DCC: variants seen among roughly 807,000 people sequenced by gnomAD.
The protein encoded by DCC is DCC netrin 1 receptor, also known as netrin receptor DCC.
In DCC, 58 loss-of-function variants were observed where a neutral mutation model predicts 172.5. The observed-to-expected ratio is 0.34, with a 90% CI of 0.27 to 0.42. DCC has a LOEUF of 0.42. Ranked by LOEUF, DCC falls within the 10% of genes least tolerant of loss-of-function variation. DCC has a pLI of 1.00. For missense variants in DCC, 1,740 were observed against 1,791.0 expected (o/e 0.97, Z 0.51); for synonymous variants, 709 against 644.5 (o/e 1.10, Z -1.52).
chr18:53,382,617 T>C (rs1372243870), intron 15 of DCC, among the ~76,000 whole-genome samples: 2 of 152,172 alleles, frequency 1.3e-5, no homozygotes, highest in African/African-American at 4.8e-5. Context: ...CAGAATTATA[T>C]TAGTAACCTG....
chr18:53,394,946 A>T (rs1908821120), intron 17 of DCC, among the ~76,000 whole-genome samples: 2 of 146,240 alleles, frequency 1.4e-5, no homozygotes, highest in Admixed American at 1.4e-4. Flanking sequence ...GTTCGAGACC[A>T]GCCTGGCCAA....
intron 26 of DCC, among the ~76,000 whole-genome samples, chr18:53,497,741 C>T (rs754797425): frequency 6.6e-6 from 1 of 152,218 alleles, no homozygotes; most frequent in Admixed American, 6.5e-5. Flanking sequence ...ATCTGAAAGC[C>T]AACATCACCA....
At chr18:52,540,270 T>TA (rs33999090) in intron 1 of DCC, among the ~76,000 whole-genome samples, 1 of 151,960 alleles carries the variant, frequency 6.6e-6, no homozygotes, top group African/African-American at 2.4e-5. Context: ...GCCTTGTCTC[T>TA]AAAAAAAATT....
chr18:52,514,785 G>A (rs567080616), intron 1 of DCC, among the ~76,000 whole-genome samples: 1 of 152,322 alleles, frequency 6.6e-6, no homozygotes, highest in South Asian at 2.1e-4. Flanking sequence ...TATGAAATAA[G>A]TAGCTTGATC....
intron 12 of DCC, among the ~76,000 whole-genome samples, chr18:53,218,756 AT>A (rs2055889582): frequency 6.6e-6 from 1 of 152,158 alleles, no homozygotes; most frequent in Non-Finnish European, 1.5e-5. Flanking sequence ...GTTACGTTTT[AT>A]TAGGAAAACT....
At chr18:52,536,143 C>T (rs1021634479) in intron 1 of DCC, among the ~76,000 whole-genome samples, 9 of 152,068 alleles carry the variant, frequency 5.9e-5, no homozygotes, top group Non-Finnish European at 1.0e-4. Context: ...AACGGGGCTA[C>T]TTGCGGGAGG....
At chr18:52,618,540 A>T (rs1598961667) in intron 1 of DCC, among the ~76,000 whole-genome samples, 1 of 152,270 alleles carries the variant, frequency 6.6e-6, no homozygotes, top group East Asian at 1.9e-4. Flanking sequence ...AAGTGCTTTT[A>T]TTCACTTACT....
At chr18:52,849,145 A>G (rs947400487) in intron 2 of DCC, among the ~76,000 whole-genome samples, 1 of 152,030 alleles carries the variant, frequency 6.6e-6, no homozygotes, top group Non-Finnish European at 1.5e-5. Context: ...AGATTCACTA[A>G]GTTGAAAATC....
intron 2 of DCC, among the ~76,000 whole-genome samples, chr18:52,812,461 C>T (rs1224432204): frequency 6.6e-6 from 1 of 152,104 alleles, no homozygotes; most frequent in Non-Finnish European, 1.5e-5. Flanking sequence ...AAGGAGAGCA[C>T]AAAGGATGCA....
intron 2 of DCC, among the ~76,000 whole-genome samples, chr18:52,820,050 C>A (rs539634818): frequency 1.3e-5 from 2 of 152,100 alleles, no homozygotes; most frequent in East Asian, 1.9e-4. Context: ...ATTTTTTCAA[C>A]GTGGGAGTGA....
intron 1 of DCC, among the ~76,000 whole-genome samples, chr18:52,584,144 G>C (rs983794431): frequency 6.6e-6 from 1 of 152,164 alleles, no homozygotes; most frequent in African/African-American, 2.4e-5. Flanking sequence ...GCTGTACTAT[G>C]AGGGCTGATT....
At chr18:52,820,761 A>C (rs1387677976) in intron 2 of DCC, among the ~76,000 whole-genome samples, 9 of 152,216 alleles carry the variant, frequency 5.9e-5, no homozygotes. Flanking sequence ...TAGCTCAGGC[A>C]CACAGAAATC....
intron 5 of DCC, among the ~76,000 whole-genome samples, chr18:53,056,387 G>A (rs543729821): frequency 6.6e-6 from 1 of 152,130 alleles, no homozygotes; most frequent in Non-Finnish European, 1.5e-5. Flanking sequence ...GATTTGGGTG[G>A]GCACACAGAG....
chr18:52,529,457 A>C (rs1046580851), intron 1 of DCC, among the ~76,000 whole-genome samples: 10 of 151,854 alleles, frequency 6.6e-5, no homozygotes, highest in Admixed American at 6.6e-4. Flanking sequence ...CGCCCAGCTA[A>C]TTTTTTGCAT....
chr18:52,423,817 T>C (rs1232471998), intron 1 of DCC, among the ~76,000 whole-genome samples: 1 of 152,154 alleles, frequency 6.6e-6, no homozygotes, highest in African/African-American at 2.4e-5. Flanking sequence ...ATGTTTAAAG[T>C]GTGACCTTTT....
At chr18:52,617,067 C>T (rs1235050891) in intron 1 of DCC, among the ~76,000 whole-genome samples, 1 of 152,094 alleles carries the variant, frequency 6.6e-6, no homozygotes, top group Admixed American at 6.6e-5. Flanking sequence ...AGGTGAATAT[C>T]ATGGTCAAAG....
chr18:53,283,094 AC>A (rs1483448098), intron 12 of DCC, among the ~76,000 whole-genome samples: 1 of 152,062 alleles, frequency 6.6e-6, no homozygotes, highest in East Asian at 1.9e-4. Context: ...TTTACAAGTA[AC>A]CTGCAGGCAA....
chr18:52,887,453 G>T (rs1369398265), intron 2 of DCC, among the ~76,000 whole-genome samples: 3 of 152,066 alleles, frequency 2.0e-5, no homozygotes, highest in East Asian at 3.9e-4. Flanking sequence ...TCCAGCAAAA[G>T]GTGAAGGTGT....
chr18:53,496,464 CAAAG>C (rs55674807), intron 26 of DCC, among the ~76,000 whole-genome samples: 129,978 of 151,762 alleles, frequency 0.86, 55,877 homozygotes, highest in Non-Finnish European at 0.88. Flanking sequence ...TCACCAACAT[CAAAG>C]AAAGACCAAA....
Sources: gnomAD v4.1 joint callset for allele counts (sites outside exome capture counted in the v4.1 genomes callset) on GRCh38, gnomAD v4.1.1 for gene constraint, MANE v1.5 for transcripts, NCBI Gene and HGNC (gene_info 2026-07-23, HGNC 2026-07-21) for gene names.